Variants in SMYD3 observed in about 807,000 individuals in gnomAD.
SMYD3 encodes the protein histone-lysine N-methyltransferase SMYD3.
A neutral mutation model predicts 57.7 loss-of-function variants in SMYD3; 36 were observed. That is an observed-to-expected ratio of 0.62 (90% CI 0.48 to 0.82). The LOEUF is 0.82. SMYD3 is among the 40% of genes least tolerant of loss of function. The pLI is 0.00. For synonymous variants in SMYD3, 211 were observed against 195.0 expected (o/e 1.08, Z -0.68); for missense variants, 515 against 538.8 (o/e 0.96, Z 0.44).
intron 5 of SMYD3, among the ~76,000 whole-genome samples, chr1:246,045,589 A>C (rs2059949585): frequency 1.3e-5 from 2 of 152,166 alleles, no homozygotes; most frequent in Admixed American, 1.3e-4. Context: ...TTCATGTCTA[A>C]AACACCAAAA....
intron 10 of SMYD3, among the ~76,000 whole-genome samples, chr1:245,816,273 T>C (rs1210096084): frequency 1.3e-5 from 2 of 151,906 alleles, no homozygotes; most frequent in African/African-American, 4.8e-5. Flanking sequence ...AGCAGCAAAC[T>C]CCCCACAGAG....
At chr1:245,913,126 T>G (rs2055125022) in intron 8 of SMYD3, among the ~76,000 whole-genome samples, 1 of 152,040 alleles carries the variant, frequency 6.6e-6, no homozygotes, top group Non-Finnish European at 1.5e-5. Context: ...TGTCCAACAA[T>G]GATAGACTGG....
chr1:246,110,381 G>A (rs1333976352), intron 5 of SMYD3, among the ~76,000 whole-genome samples: 1 of 152,190 alleles, frequency 6.6e-6, no homozygotes, highest in Admixed American at 6.5e-5. Flanking sequence ...GGAAGGGAGT[G>A]GGTAGATGAA....
intron 10 of SMYD3, among the ~76,000 whole-genome samples, chr1:245,850,837 C>A (rs965813327): frequency 6.6e-6 from 1 of 152,238 alleles, no homozygotes; most frequent in Non-Finnish European, 1.5e-5. Flanking sequence ...TGGTGGCCAA[C>A]TAGCACCCAT....
At chr1:246,340,221 A>G (rs567431787) in intron 2 of SMYD3, among the ~76,000 whole-genome samples, 139 of 152,214 alleles carry the variant, frequency 9.1e-4, no homozygotes, top group African/African-American at 3.2e-3. Flanking sequence ...TAAAAACCAT[A>G]AAGGAAAATA....
intron 5 of SMYD3, among the ~76,000 whole-genome samples, chr1:245,970,476 T>C (rs1198986070): frequency 6.6e-6 from 1 of 151,962 alleles, no homozygotes; most frequent in African/African-American, 2.4e-5. Context: ...CTAATTAAAC[T>C]AAAGAGCTTC....
intron 5 of SMYD3, among the ~76,000 whole-genome samples, chr1:245,971,972 C>T (rs1328996262): frequency 6.6e-6 from 1 of 152,244 alleles, no homozygotes; most frequent in African/African-American, 2.4e-5. Flanking sequence ...GCAAACACTA[C>T]GCTGTACAGA....
intron 5 of SMYD3, among the ~76,000 whole-genome samples, chr1:246,279,291 C>G (rs573093826): frequency 1.3e-5 from 2 of 152,132 alleles, no homozygotes; most frequent in African/African-American, 2.4e-5. Flanking sequence ...GAGGCTGAGG[C>G]GGGTGGATCA....
chr1:245,855,816 A>G (rs1202316802), intron 10 of SMYD3, among the ~76,000 whole-genome samples: 1 of 152,232 alleles, frequency 6.6e-6, no homozygotes, highest in Non-Finnish European at 1.5e-5. Context: ...AAGGTCAGCA[A>G]TTAAAATTTA....
intron 1 of SMYD3, 67 bp downstream of exon 1, chr1:246,506,984 CCGA>C: frequency 3.6e-6 from 3 of 827,006 alleles, no homozygotes; most frequent in Non-Finnish European, 5.0e-6. Context: ...TGCCGGCCGC[CCGA>C]CGCCCCCCCC....
intron 10 of SMYD3, among the ~76,000 whole-genome samples, chr1:245,800,818 T>A (rs538240544): frequency 1.3e-5 from 2 of 152,346 alleles, no homozygotes; most frequent in Admixed American, 1.3e-4. Flanking sequence ...TCGGGCTGGC[T>A]GACAATGACT....
At chr1:246,390,244 C>CAAAAAAAAAAAAAAAAAAAAAAAAA (rs2066537961) in intron 1 of SMYD3, among the ~76,000 whole-genome samples, 1 of 69,842 alleles carries the variant, frequency 1.4e-5, no homozygotes. Flanking sequence ...AAAAAAAAAG[C>CAAAAAAAAAAAAAAAAAAAAAAAAA]AAACTCCATA....
intron 5 of SMYD3, among the ~76,000 whole-genome samples, chr1:246,124,926 G>T (rs1157837567): frequency 6.6e-6 from 1 of 152,036 alleles, no homozygotes; most frequent in Non-Finnish European, 1.5e-5. Context: ...AAAAAAATTA[G>T]CCGGGCGTGG....
In SMYD3 at chr1:245,759,275, G is replaced by A. The variant is rs538602082; in HGVS notation, c.1185+4766C>T. Among the ~76,000 whole-genome samples the A allele has an allele frequency of 8.4e-5, 10 of 118,998 alleles. No homozygotes were observed. The East Asian group carries it at 3.0e-3, about 36-fold the overall frequency. 78.1% of individuals were successfully genotyped at this position (118,998 alleles called of 152,430 possible). On this transcript the variant is annotated intron_variant, in intron 11 of 11. Transcript: ENST00000490107. ...CTTTGAAGGTATTAGTGACAATTAC[G>A]GGACATCCTTCCGCATGCCCTCTTA...
chr1:246,405,101 A>G (rs539882476), intron 1 of SMYD3, among the ~76,000 whole-genome samples: 7 of 152,082 alleles, frequency 4.6e-5, no homozygotes, highest in African/African-American at 9.6e-5. Flanking sequence ...ACAGGTGTGC[A>G]CGACCACACC....
chr1:246,355,198 G>T lies in SMYD3; in HGVS notation c.165-104C>A. 2 of 1,106,534 alleles carry T rather than the reference G, an allele frequency of 1.8e-6. No homozygotes were observed. Among genetic ancestry groups the T allele is most frequent in the Non-Finnish European group, 2.7e-6 (2 of 734,908 alleles). The allele number at this position is 1,106,534 out of a possible 1,614,324, so 68.5% of individuals were successfully genotyped here. ...CAACATACGGACACCCGTATGTTCT[G>T]TTTACTCCATTATGTACAGTCCCTT... On this transcript the variant is annotated intron_variant, in intron 1 of 11. Transcript: ENST00000490107. The surrounding 1 kb of genome is among the most constrained non-coding windows in gnomAD (Gnocchi z 5.0).
chr1:245,858,535 T>TA lies in SMYD3; in HGVS notation c.1036_1037insT (p.Glu346ValfsTer53). On this transcript the variant is annotated frameshift_variant, in exon 10 of 12. Coordinates refer to ENST00000490107, the MANE Select transcript of SMYD3 (RefSeq NM_001167740.2). LOFTEE classifies it high-confidence loss of function. ...GGTCCGAGTACCATAGAACAAGGCT[T>TA]CCTCCAACAGGCCGAGGTTGATGCA... The TA allele has an allele frequency of 6.2e-7, 1 of 1,614,136 alleles. No homozygotes were observed. Among genetic ancestry groups the TA allele is most frequent in the East Asian group, 2.2e-5 (1 of 44,874 alleles).
At chr1:246,448,245 A>G (rs977897941) in intron 1 of SMYD3, among the ~76,000 whole-genome samples, 4 of 152,288 alleles carry the variant, frequency 2.6e-5, no homozygotes, top group African/African-American at 7.2e-5. Context: ...AATCTCTTAC[A>G]TGATCACAAT....
At chr1:246,176,944 C>T (rs2062445092) in intron 5 of SMYD3, among the ~76,000 whole-genome samples, 1 of 152,108 alleles carries the variant, frequency 6.6e-6, no homozygotes, top group South Asian at 2.1e-4. Context: ...GTCTGAATCC[C>T]CAAACTATAG....
Sources: allele counts gnomAD v4.1 joint callset (sites outside exome capture counted in the v4.1 genomes callset), GRCh38; gene constraint gnomAD v4.1.1; non-coding constraint Gnocchi (gnomAD v3.1); transcripts MANE v1.5; gene names NCBI Gene and HGNC (gene_info 2026-07-23, HGNC 2026-07-21).